Variants in CSMD1 observed in about 807,000 individuals in gnomAD.
The protein encoded by CSMD1 is CUB and sushi domain-containing protein 1.
CSMD1 carries 213 observed loss-of-function variants against 417.5 expected under a neutral mutation model. The observed-to-expected ratio is 0.51, with a 90% CI of 0.46 to 0.57. CSMD1 has a LOEUF of 0.57. CSMD1 is among the 20% of genes least tolerant of loss of function. The pLI, the probability that CSMD1 is intolerant of heterozygous loss-of-function variation, is 0.00. For synonymous variants in CSMD1, 2,862 were observed against 1,736.8 expected, an observed-to-expected ratio of 1.65 and a Z score of -16.11; for missense variants, 6,923 against 4,529.7, an observed-to-expected ratio of 1.53 and a Z score of -15.17.
rs1275608781 is a variant in CSMD1, at chr8:4,419,945, T to C, written c.415+8A>G. 4.5e-6 allele frequency: 7 copies of C among 1,541,262 alleles called. No homozygotes were observed. In the South Asian group the frequency reaches 7.1e-5, roughly 16 times the overall value. On this transcript the variant is annotated splice_region_variant and intron_variant, in intron 3 of 69. Coordinates refer to ENST00000635120, the MANE Select transcript of CSMD1 (RefSeq NM_033225.6). ...GAATGCATGTGCAAAACACAACCAA[T>C]CTCCTACCTTCATATAATGCTTTGA...
chr8:3,529,595 C>T (rs1424955234), intron 10 of CSMD1, among the ~76,000 whole-genome samples: 1 of 152,208 alleles, frequency 6.6e-6, no homozygotes, highest in Admixed American at 6.5e-5. Flanking sequence ...GAATGCGATG[C>T]ACATCTTCTG....
chr8:4,241,501 G>A (rs1028476679), intron 3 of CSMD1, among the ~76,000 whole-genome samples: 8 of 152,180 alleles, frequency 5.3e-5, no homozygotes, highest in African/African-American at 1.2e-4. Context: ...GTCTTTGAAT[G>A]TCTGTGCCCC....
At chr8:2,964,869 A>ATTTAACCATGTGTCTTGCAGAAC (rs1157603441) in intron 59 of CSMD1, among the ~76,000 whole-genome samples, 2 of 152,168 alleles carry the variant, frequency 1.3e-5, no homozygotes, top group Non-Finnish European at 2.9e-5. Context: ...CCTCTGCCAC[A>ATTTAACCATGTGTCTTGCAGAAC]TTTAACCATG....
chr8:4,326,442 A>G (rs1799567668), intron 3 of CSMD1, among the ~76,000 whole-genome samples: 2 of 152,186 alleles, frequency 1.3e-5, no homozygotes, highest in Non-Finnish European at 2.9e-5. Context: ...CTACTGAGCA[A>G]GAGGTAAAGA....
chr8:4,221,955 C>T (rs1348286223), intron 3 of CSMD1, among the ~76,000 whole-genome samples: 3 of 152,108 alleles, frequency 2.0e-5, no homozygotes, highest in Non-Finnish European at 4.4e-5. Context: ...CACTGTCCAG[C>T]ACATCCATCT....
intron 5 of CSMD1, among the ~76,000 whole-genome samples, chr8:3,981,798 C>T (rs915274757): frequency 6.6e-6 from 1 of 152,146 alleles, no homozygotes; most frequent in African/African-American, 2.4e-5. Flanking sequence ...AGAGAAGAGG[C>T]AGTTAGCAGA....
chr8:4,204,706 A>T (rs923206898), intron 3 of CSMD1, among the ~76,000 whole-genome samples: 7 of 152,124 alleles, frequency 4.6e-5, no homozygotes, highest in African/African-American at 1.7e-4. Flanking sequence ...CCAGGCTGGA[A>T]TGCAGCAGTC....
At chr8:4,989,955 G>A (rs1440925051) in intron 1 of CSMD1, among the ~76,000 whole-genome samples, 1 of 152,152 alleles carries the variant, frequency 6.6e-6, no homozygotes. Flanking sequence ...AGCTGCTTTC[G>A]CCTGTAGAAG....
At chr8:3,196,467 T>A (rs913656571) in intron 33 of CSMD1, among the ~76,000 whole-genome samples, 1 of 152,188 alleles carries the variant, frequency 6.6e-6, no homozygotes, top group Non-Finnish European at 1.5e-5. Flanking sequence ...AAATTCTTTC[T>A]TGCGCGAGAT....
chr8:3,193,926 G>C (rs1025534724), intron 33 of CSMD1, among the ~76,000 whole-genome samples: 1 of 152,174 alleles, frequency 6.6e-6, no homozygotes, highest in Non-Finnish European at 1.5e-5. Context: ...TACAGTTGAT[G>C]TGAAAACCAC....
At chr8:4,116,863 C>A (rs1012290996) in intron 3 of CSMD1, among the ~76,000 whole-genome samples, 1 of 151,888 alleles carries the variant, frequency 6.6e-6, no homozygotes, top group Non-Finnish European at 1.5e-5. Context: ...ATTTACTGTA[C>A]AATGTGCCAG....
chr8:3,926,936 A>G (rs2627406), intron 5 of CSMD1, among the ~76,000 whole-genome samples: 107,015 of 151,438 alleles, frequency 0.71, 38,969 homozygotes, highest in African/African-American at 0.87. Context: ...GGATGGTCTC[A>G]AACTCCTGAC....
chr8:4,323,083 G>C (rs540325497), intron 3 of CSMD1, among the ~76,000 whole-genome samples: 1 of 145,578 alleles, frequency 6.9e-6, no homozygotes, highest in South Asian at 2.4e-4. Flanking sequence ...AAGCAGCGAA[G>C]GAATGGAAAA....
At chr8:3,609,811 C>A (rs1242238356) in intron 8 of CSMD1, among the ~76,000 whole-genome samples, 1 of 75,274 alleles carries the variant, frequency 1.3e-5, no homozygotes, top group African/African-American at 5.0e-5. Context: ...AGTATCTTCC[C>A]TTTTTTTTTT....
chr8:4,199,551 G>A (rs770049958), intron 3 of CSMD1, among the ~76,000 whole-genome samples: 80 of 152,188 alleles, frequency 5.3e-4, no homozygotes, highest in African/African-American at 1.6e-3. Flanking sequence ...AATCCTCTCG[G>A]CTACCAAAGG....
chr8:4,404,355 C>A (rs1804864438), intron 3 of CSMD1, among the ~76,000 whole-genome samples: 1 of 152,086 alleles, frequency 6.6e-6, no homozygotes, highest in Non-Finnish European at 1.5e-5. Context: ...CCCATGAGCG[C>A]AGGGATTTTG....
chr8:3,656,247 G>T (rs1798097968), intron 7 of CSMD1, among the ~76,000 whole-genome samples: 1 of 152,268 alleles, frequency 6.6e-6, no homozygotes, highest in South Asian at 2.1e-4. Context: ...CAGGTAAACA[G>T]GAAGGAAAGG....
rs567168317 is a variant in CSMD1 at position 3,592,748 on chromosome 8, T to C, written c.1098-6488A>G. ...TTTGATTTTTCTTCCCCCTGTATTT[T>C]ACTAAAACTCTGAGGACTTTTGTCC... is the stretch of plus-strand genomic sequence containing the variant. On this transcript the variant is annotated intron_variant, in intron 8 of 69. Coordinates refer to ENST00000635120, the MANE Select transcript of CSMD1 (RefSeq NM_033225.6). Among the ~76,000 whole-genome samples the C allele has an allele frequency of 1.8e-4, 27 of 152,236 alleles. 1 individual carries two copies. In the East Asian group the frequency reaches 4.8e-3, roughly 27 times the overall value.
intron 3 of CSMD1, among the ~76,000 whole-genome samples, chr8:4,251,332 A>G (rs766909775): frequency 6.6e-6 from 1 of 152,178 alleles, no homozygotes; most frequent in Non-Finnish European, 1.5e-5. Context: ...GCATTATGCC[A>G]CATTTAATAA....
Sources: allele counts gnomAD v4.1 joint callset (sites outside exome capture counted in the v4.1 genomes callset), GRCh38; gene constraint gnomAD v4.1.1; transcripts MANE v1.5; gene names NCBI Gene and HGNC (gene_info 2026-07-23, HGNC 2026-07-21).